The following TRERF1 variants were observed in gnomAD, a reference collection of about 807,000 sequenced individuals.
TRERF1 encodes the protein transcriptional regulating factor 1.
Under a neutral mutation model 122.9 loss-of-function variants are expected in TRERF1, and 27 were observed. The ratio of observed to expected loss-of-function variants is 0.22; its 90% confidence interval spans 0.16 to 0.30. The LOEUF is 0.30. Among genes scored for constraint, TRERF1 ranks in the 10% least tolerant of loss-of-function variants. The pLI is 1.00. For synonymous variants in TRERF1, 636 were observed against 641.7 expected (o/e 0.99, Z 0.13); for missense variants, 1,248 against 1,560.3 (o/e 0.80, Z 3.37).
chr6:42,301,145 G>T (rs893598617), intron 3 of TRERF1, among the ~76,000 whole-genome samples: 1 of 152,212 alleles, frequency 6.6e-6, no homozygotes, highest in Non-Finnish European at 1.5e-5. Context: ...TCCTCATGGG[G>T]GAGCTACAGC....
chr6:42,398,774 T>C (rs943020506), intron 2 of TRERF1, among the ~76,000 whole-genome samples: 11 of 152,226 alleles, frequency 7.2e-5, no homozygotes, highest in South Asian at 4.1e-4. Flanking sequence ...CCATTCAAGA[T>C]TGTCCTGACA....
At chr6:42,304,475 G>A (rs1786788160) in intron 3 of TRERF1, among the ~76,000 whole-genome samples, 1 of 152,146 alleles carries the variant, frequency 6.6e-6, no homozygotes, top group Non-Finnish European at 1.5e-5. Context: ...CCAGTGAGTG[G>A]GGATAATCAT....
chr6:42,374,559 C>T (rs1774461542), intron 2 of TRERF1, among the ~76,000 whole-genome samples: 1 of 152,192 alleles, frequency 6.6e-6, no homozygotes, highest in African/African-American at 2.4e-5. Context: ...CAGTTAAACC[C>T]TCTGTGTGTA....
In TRERF1 at chr6:42,259,379, C is replaced by T; in HGVS notation, c.2229G>A (p.Thr743=). The T allele has an allele frequency of 2.6e-6, 4 of 1,522,892 alleles. No individual in the cohort carries two copies. The highest frequency in any genetic ancestry group is 1.3e-5 in the South Asian group (1 of 77,588). 94.3% of individuals were successfully genotyped at this position (1,522,892 alleles called of 1,614,324 possible). Reference sequence around the variant, plus strand: ...GCACCCGTGGTGTGGGCGTCAGGGGCGTCAGGGGCAGCTGCGGGTGGGCGC... The same window carrying T: ...GCACCCGTGGTGTGGGCGTCAGGGGTGTCAGGGGCAGCTGCGGGTGGGCGC... The change falls in exon 9 of 18, where the codon ACG becomes ACA. Residue 743 remains threonine (T), a synonymous_variant. Coordinates refer to ENST00000372922, the Ensembl canonical transcript of TRERF1. This position sits in a 1 kb window ranked among gnomAD's most constrained non-coding sequence, Gnocchi z 4.9.
Position 42,228,364 on chromosome 6 carries a change from T to C in TRERF1, c.3584A>G (p.Gln1195Arg). 4 of 1,613,372 alleles carry C rather than the reference T, an allele frequency of 2.5e-6. No homozygotes were observed. The highest frequency in any genetic ancestry group is 3.4e-6 in the Non-Finnish European group (4 of 1,179,478). ...AGGGCTTTATAGTTCTGCGTCACCC[T>C]GAAGCAAGACTGAATCTTGATCATC... Residue 1195 changes from glutamine to arginine, a missense_variant, in exon 18 of 18, where the codon CAG (glutamine) becomes CGG (arginine). Physicochemically the swap from Gln to Arg is conservative, Grantham distance 43. Around this residue, in one of 5 missense-constraint regions of TRERF1, gnomAD observed 84 missense variants for 116.0 expected, o/e 0.72. Transcript: ENST00000372922. The surrounding 1 kb of genome is among the most constrained non-coding windows in gnomAD (Gnocchi z 4.2).
chr6:42,392,921 T>TACACACACAC (rs1407835106), intron 2 of TRERF1, among the ~76,000 whole-genome samples: 1 of 42,958 alleles, frequency 2.3e-5, no homozygotes, highest in East Asian at 8.2e-4. Context: ...CACACACACA[T>TACACACACAC]ACACACACAT....
At chr6:42,330,668 T>A (rs1428165953) in intron 3 of TRERF1, among the ~76,000 whole-genome samples, 1 of 152,140 alleles carries the variant, frequency 6.6e-6, no homozygotes, top group Non-Finnish European at 1.5e-5. Context: ...CAAACATTGT[T>A]GTATTTTTTA....
chr6:42,348,191 A>ACG (rs1768701936), intron 3 of TRERF1, among the ~76,000 whole-genome samples: 3 of 151,918 alleles, frequency 2.0e-5, no homozygotes. Context: ...ATAAACATAC[A>ACG]CACACACACA....
chr6:42,226,561 A>T (rs551144227), exon 18 of TRERF1: 1 of 152,238 alleles, frequency 6.6e-6, no homozygotes, highest in Non-Finnish European at 1.5e-5. Context: ...CCTCTAAACA[A>T]AAGATGTAGG....
intron 3 of TRERF1, among the ~76,000 whole-genome samples, chr6:42,307,627 G>A (rs377370762): frequency 6.6e-6 from 1 of 151,000 alleles, no homozygotes; most frequent in South Asian, 2.1e-4. Flanking sequence ...CCCAGGACAA[G>A]TCAATGGCAA....
At chr6:42,309,680 C>A (rs1316810361) in intron 3 of TRERF1, among the ~76,000 whole-genome samples, 1 of 152,118 alleles carries the variant, frequency 6.6e-6, no homozygotes, top group African/African-American at 2.4e-5. Context: ...GCAGCACTGG[C>A]CTTTGTAGAG....
chr6:42,418,855 C>A (rs770782732), intron 2 of TRERF1, among the ~76,000 whole-genome samples: 1 of 152,214 alleles, frequency 6.6e-6, no homozygotes, highest in African/African-American at 2.4e-5. Context: ...CAACTGCTGT[C>A]TAATTACCTT....
In TRERF1 at chr6:42,393,907, T is replaced by C. The variant is rs1268202194; in HGVS notation, c.-453-30828A>G. 6.9e-6 allele frequency among the ~76,000 whole-genome samples: 1 copy of C among 144,342 alleles called. No individual in the cohort carries two copies. The highest frequency in any genetic ancestry group is 6.9e-5 in the Admixed American group (1 of 14,516). The allele number at this position is 144,342 out of a possible 152,430, so 94.7% of individuals were successfully genotyped here. A position where few individuals can be genotyped will look rare whatever the true frequency, so the allele number is the denominator to read the frequency against. On this transcript the variant is annotated intron_variant, in intron 2 of 17. Coordinates refer to ENST00000372922, the Ensembl canonical transcript of TRERF1. This position sits in a 1 kb window ranked among gnomAD's most constrained non-coding sequence, Gnocchi z 4.1. ...ACAAGCAGGCAAACTCTCCAATGTA[T>C]ATATGCAGGAAAAAAAAAAAAAAAA... is the stretch of plus-strand genomic sequence containing the variant.
intron 13 of TRERF1, among the ~76,000 whole-genome samples, chr6:42,253,604 A>C (rs1776219237): frequency 6.6e-6 from 1 of 152,170 alleles, no homozygotes; most frequent in Admixed American, 6.5e-5. Flanking sequence ...AGAAGTGATG[A>C]ATTTCTTATT....
intron 2 of TRERF1, among the ~76,000 whole-genome samples, chr6:42,423,693 T>A (rs1476675649): frequency 3.3e-5 from 5 of 152,232 alleles, no homozygotes; most frequent in Admixed American, 6.5e-5. Flanking sequence ...AATATCATAC[T>A]CCAATTGCTA....
At chr6:42,380,175 C>T (rs1469073666) in intron 2 of TRERF1, among the ~76,000 whole-genome samples, 1 of 150,544 alleles carries the variant, frequency 6.6e-6, no homozygotes, top group Non-Finnish European at 1.5e-5. Flanking sequence ...AACCAGGAGT[C>T]CAGTGTGGTA....
chr6:42,434,200 G>C (rs1784905356), intron 2 of TRERF1, among the ~76,000 whole-genome samples: 1 of 152,180 alleles, frequency 6.6e-6, no homozygotes, highest in African/African-American at 2.4e-5. Context: ...TCTAACATAT[G>C]TGCAGGAGCC....
intron 3 of TRERF1, among the ~76,000 whole-genome samples, chr6:42,343,634 C>T (rs1296713884): frequency 6.6e-6 from 1 of 152,176 alleles, no homozygotes; most frequent in South Asian, 2.1e-4. Context: ...CGTATGTGCA[C>T]AAGCCTGAGT....
intron 2 of TRERF1, among the ~76,000 whole-genome samples, chr6:42,404,744 G>GC (rs1446073968): frequency 1.3e-5 from 2 of 152,098 alleles, no homozygotes; most frequent in Non-Finnish European, 2.9e-5. Flanking sequence ...TCAGAGCTAA[G>GC]CAAGTGCAGA....
Sources: allele counts gnomAD v4.1 joint callset (sites outside exome capture counted in the v4.1 genomes callset), GRCh38; gene constraint gnomAD v4.1.1; regional missense constraint gnomAD v4.1.1; non-coding constraint Gnocchi (gnomAD v3.1); transcripts MANE v1.5; gene names NCBI Gene and HGNC (gene_info 2026-07-23, HGNC 2026-07-21).